The following PPARGC1A variants were observed in gnomAD, a reference collection of about 807,000 sequenced individuals.
PPARGC1A encodes the protein PPARG coactivator 1 alpha, also known as peroxisome proliferator-activated receptor gamma coactivator 1-alpha.
A neutral mutation model predicts 88.7 loss-of-function variants in PPARGC1A; 25 were observed. The ratio of observed to expected loss-of-function variants is 0.28; its 90% CI spans 0.21 to 0.39. The LOEUF is 0.39. PPARGC1A is among the 10% of genes least tolerant of loss of function. The pLI is 1.00. For missense variants in PPARGC1A, 880 were observed against 968.7 expected, an observed-to-expected ratio of 0.91 and a Z score of 1.22; for synonymous variants, 363 against 355.6, an observed-to-expected ratio of 1.02 and a Z score of -0.24.
chr4:24,196,855 C>T, the PPARGC1A span, among the ~76,000 whole-genome samples: 1 of 152,198 alleles, frequency 6.6e-6, no homozygotes, highest in East Asian at 1.9e-4. Flanking sequence ...ATTTATCCTA[C>T]AACATGATAG....
chr4:24,324,838 G>A, the PPARGC1A span, among the ~76,000 whole-genome samples: 6 of 151,912 alleles, frequency 3.9e-5, no homozygotes, highest in African/African-American at 1.2e-4. Context: ...CCAACCCCAA[G>A]CGTCGCTGAG....
the PPARGC1A span, among the ~76,000 whole-genome samples, chr4:24,087,652 C>T: frequency 1.3e-5 from 2 of 152,336 alleles, no homozygotes. Context: ...GCTAAGTTTG[C>T]CCATGGTCAT....
chr4:23,907,858 G>A (rs1290046118), upstream of PPARGC1A, among the ~76,000 whole-genome samples: 1 of 152,074 alleles, frequency 6.6e-6, no homozygotes, highest in African/African-American at 2.4e-5. Flanking sequence ...TGAAGTGGGC[G>A]TTGGGACTCA....
the PPARGC1A span, among the ~76,000 whole-genome samples, chr4:24,022,493 C>T: frequency 6.6e-6 from 1 of 152,168 alleles, no homozygotes; most frequent in Non-Finnish European, 1.5e-5. Context: ...GGGTTTTCTC[C>T]TTGTCTGCTT....
At chr4:24,370,783 C>CTTTTTTTTTTTTTTT in the PPARGC1A span, among the ~76,000 whole-genome samples, 15 of 64,452 alleles carry the variant, frequency 2.3e-4, no homozygotes, top group African/African-American at 1.9e-4. Flanking sequence ...TTTTTTTTTA[C>CTTTTTTTTTTTTTTT]TTTAAGTTCT....
chr4:23,980,234 A>G, the PPARGC1A span, among the ~76,000 whole-genome samples: 1 of 142,472 alleles, frequency 7.0e-6, no homozygotes, highest in Non-Finnish European at 1.5e-5. Context: ...CTTGGTCTTT[A>G]TTTTCTTCCA....
At chr4:24,006,641 T>G in the PPARGC1A span, among the ~76,000 whole-genome samples, 1 of 152,186 alleles carries the variant, frequency 6.6e-6, no homozygotes, top group Non-Finnish European at 1.5e-5. Flanking sequence ...GTCCTCTGGT[T>G]AGTACACACC....
the PPARGC1A span, among the ~76,000 whole-genome samples, chr4:24,016,007 G>A: frequency 2.6e-5 from 4 of 152,144 alleles, no homozygotes; most frequent in African/African-American, 9.7e-5. Flanking sequence ...ATATGTGACC[G>A]TGTGCACTTT....
the PPARGC1A span, among the ~76,000 whole-genome samples, chr4:24,048,482 T>C: frequency 6.6e-6 from 1 of 152,226 alleles, no homozygotes; most frequent in Non-Finnish European, 1.5e-5. Context: ...AGCATTTCTT[T>C]AGTAAACACA....
chr4:24,123,918 AAAAAAAAC>A, the PPARGC1A span, among the ~76,000 whole-genome samples: 1 of 151,578 alleles, frequency 6.6e-6, no homozygotes, highest in Non-Finnish European at 1.5e-5. Flanking sequence ...GGCAAAAAAA[AAAAAAAAC>A]AAAAAAAACA....
the PPARGC1A span, among the ~76,000 whole-genome samples, chr4:23,936,742 G>A: frequency 1.3e-5 from 2 of 152,032 alleles, no homozygotes; most frequent in African/African-American, 2.4e-5. Flanking sequence ...GTCTTGGTGC[G>A]TGCCTGTAAT....
intron 2 of PPARGC1A, among the ~76,000 whole-genome samples, chr4:23,852,939 T>C (rs1040740644): frequency 6.6e-6 from 1 of 152,190 alleles, no homozygotes; most frequent in Non-Finnish European, 1.5e-5. Flanking sequence ...AAAAAAAAAC[T>C]ATAATGCACT....
the PPARGC1A span, among the ~76,000 whole-genome samples, chr4:24,391,345 G>C: frequency 6.6e-6 from 1 of 151,982 alleles, no homozygotes; most frequent in African/African-American, 2.4e-5. Context: ...TCCCCACTGG[G>C]GTAAATACAC....
At chr4:24,229,152 C>CTATTTTTTTTTTTTTTTTT in the PPARGC1A span, among the ~76,000 whole-genome samples, 1 of 60,892 alleles carries the variant, frequency 1.6e-5, no homozygotes, top group East Asian at 5.7e-4. Context: ...GTATCTGGAC[C>CTATTTTTTTTTTTTTTTTT]TTTTTTTTTT....
the PPARGC1A span, among the ~76,000 whole-genome samples, chr4:24,279,914 A>G: frequency 6.6e-6 from 1 of 152,210 alleles, no homozygotes; most frequent in African/African-American, 2.4e-5. Context: ...GAATTTAAGC[A>G]TTCTAGAAAA....
the PPARGC1A span, among the ~76,000 whole-genome samples, chr4:24,317,268 T>C: frequency 9.9e-5 from 15 of 151,938 alleles, no homozygotes; most frequent in African/African-American, 2.4e-5. Context: ...CACAGTTCAC[T>C]CCCTAGGCAG....
At chr4:23,877,537 CAAAAAAAAAAAAA>C (rs11354781) in intron 2 of PPARGC1A, among the ~76,000 whole-genome samples, 3 of 49,874 alleles carry the variant, frequency 6.0e-5, no homozygotes, top group Admixed American at 3.7e-4. Flanking sequence ...GACTCCATCT[CAAAAAAAAAAAAA>C]AAAAAAAAAA....
the PPARGC1A span, among the ~76,000 whole-genome samples, chr4:23,964,366 T>A: frequency 6.6e-6 from 1 of 152,166 alleles, no homozygotes; most frequent in Non-Finnish European, 1.5e-5. Context: ...AAATGGAGAT[T>A]GATTTAAAAT....
the PPARGC1A span, among the ~76,000 whole-genome samples, chr4:24,202,404 C>T: frequency 7.6e-3 from 1,151 of 152,228 alleles, 48 homozygotes; most frequent in Admixed American, 0.066. Flanking sequence ...CTGAACGTAA[C>T]AGAGAGCCAG....
Sources: gnomAD v4.1 joint callset for allele counts (sites outside exome capture counted in the v4.1 genomes callset) on GRCh38, gnomAD v4.1.1 for gene constraint, MANE v1.5 for transcripts, NCBI Gene and HGNC (gene_info 2026-07-23, HGNC 2026-07-21) for gene names.